ADGRE1: variants seen among roughly 807,000 people sequenced by gnomAD.
ADGRE1 encodes the protein adhesion G protein-coupled receptor E1, also known as EGF-like module receptor 1.
A neutral mutation model predicts 102.7 loss-of-function variants in ADGRE1; 82 were observed. The observed-to-expected ratio is 0.80, with a 90% CI of 0.67 to 0.96. The LOEUF is 0.96. ADGRE1 is among the 40% of genes least tolerant of loss of function. The pLI is 0.00. For synonymous variants in ADGRE1, 398 were observed against 399.6 expected (o/e 1.00, Z 0.05); for missense variants, 1,032 against 1,085.3 (o/e 0.95, Z 0.69).
chr19:6,908,883 C>A, intron 10 of ADGRE1, 111 bp downstream of exon 10: 2 of 977,690 alleles, frequency 2.0e-6, no homozygotes, highest in Non-Finnish European at 3.0e-6. Flanking sequence ...CCCATAATCC[C>A]AGCACTTTGG....
At chr19:6,903,711 C>T in intron 6 of ADGRE1, 99 bp from the exon 7 acceptor site, 1 of 1,502,866 alleles carries the variant, frequency 6.7e-7, no homozygotes, top group Non-Finnish European at 9.1e-7. Context: ...GCTGGGACAC[C>T]ATTTTCTAGT....
chr19:6,912,542 T>C (rs1483108615), intron 10 of ADGRE1, among the ~76,000 whole-genome samples: 1 of 152,222 alleles, frequency 6.6e-6, no homozygotes, highest in Non-Finnish European at 1.5e-5. Context: ...ATAAATACCA[T>C]AATATAAAAT....
chr19:6,934,419 C>CTTTTTTTTTT (rs71177132), intron 17 of ADGRE1, among the ~76,000 whole-genome samples: 1 of 95,472 alleles, frequency 1.0e-5, no homozygotes, highest in Non-Finnish European at 1.9e-5. Flanking sequence ...TCTTCTTCTT[C>CTTTTTTTTTT]TTTTTTTTTT....
chr19:6,916,391 G>T (rs1974385902), intron 12 of ADGRE1, 23 bp downstream of exon 12: 1 of 1,605,738 alleles, frequency 6.2e-7, no homozygotes, highest in Non-Finnish European at 8.5e-7. Context: ...TCCTGAGAAT[G>T]CAGGTTATGG....
intron 17 of ADGRE1, among the ~76,000 whole-genome samples, chr19:6,929,339 T>C (rs1975050824): frequency 6.6e-6 from 1 of 152,068 alleles, no homozygotes; most frequent in Non-Finnish European, 1.5e-5. Flanking sequence ...GGGGGCGGTG[T>C]CTGATTTACA....
At chr19:6,915,423 G>A (rs967685206) in intron 11 of ADGRE1, among the ~76,000 whole-genome samples, 34 of 152,154 alleles carry the variant, frequency 2.2e-4, no homozygotes, top group African/African-American at 7.2e-4. Context: ...TTTCATGAAG[G>A]GCCAGTGGGT....
intron 13 of ADGRE1, among the ~76,000 whole-genome samples, chr19:6,920,310 C>T (rs1974597047): frequency 6.6e-6 from 1 of 151,488 alleles, no homozygotes; most frequent in South Asian, 2.1e-4. Context: ...AGCTCCACCT[C>T]CCAGGTTCAC....
chr19:6,927,717 G>A (rs1221833224), intron 16 of ADGRE1, among the ~76,000 whole-genome samples: 2 of 151,876 alleles, frequency 1.3e-5, no homozygotes, highest in Non-Finnish European at 2.9e-5. Flanking sequence ...GCTGGAGTGC[G>A]GTGGCGTGAT....
intron 5 of ADGRE1, among the ~76,000 whole-genome samples, chr19:6,900,379 G>C (rs1973723631): frequency 6.6e-6 from 1 of 152,112 alleles, no homozygotes. Flanking sequence ...CAGCTACTCA[G>C]GAGGCTGAGG....
chr19:6,938,000 A>G (rs1166965052), intron 20 of ADGRE1, among the ~76,000 whole-genome samples: 1 of 151,240 alleles, frequency 6.6e-6, no homozygotes, highest in Non-Finnish European at 1.5e-5. Flanking sequence ...ATATACATAT[A>G]ATGTATAATA....
chr19:6,892,021 C>T (rs746690232), intron 2 of ADGRE1, among the ~76,000 whole-genome samples: 5 of 152,004 alleles, frequency 3.3e-5, no homozygotes, highest in African/African-American at 1.2e-4. Context: ...CCCACAAGAC[C>T]GGGTTGTTAC....
intron 20 of ADGRE1, among the ~76,000 whole-genome samples, chr19:6,938,333 A>G (rs368419): frequency 0.69 from 105,324 of 151,678 alleles, 36,839 homozygotes; most frequent in Non-Finnish European, 0.74. Context: ...GCGAAACTCC[A>G]TCTCAAAAAA....
intron 18 of ADGRE1, 68 bp downstream of exon 18, chr19:6,935,146 A>G (rs1975349842): frequency 6.8e-6 from 9 of 1,322,858 alleles, no homozygotes; most frequent in Non-Finnish European, 9.4e-6. Context: ...AAGTTCTTTG[A>G]GCACTTCTTG....
At chr19:6,917,825 A>T (rs776172248) in intron 12 of ADGRE1, among the ~76,000 whole-genome samples, 3 of 152,084 alleles carry the variant, frequency 2.0e-5, no homozygotes, top group Non-Finnish European at 4.4e-5. Flanking sequence ...AAGCCTTGGA[A>T]AGTTCTGTAT....
rs555952270 is a variant in ADGRE1 at position 6,908,662 on chromosome 19, C to G, written c.1039-27C>G. 1.2e-4 allele frequency: 149 copies of G among 1,209,222 alleles called. No individual in the cohort carries two copies. In the South Asian group the frequency reaches 1.7e-3, roughly 14 times the overall value. 74.9% of individuals were successfully genotyped at this position (1,209,222 alleles called of 1,614,324 possible). The stretch of plus-strand genomic sequence containing the variant: ...ATACATCGATTCATGCTCACAAATG[C>G]TCTTTTTTTTTTTTTCTGGGACGCA... On this transcript the variant is annotated intron_variant, in intron 9 of 20. Transcript: ENST00000312053.
chr19:6,903,229 C>T (rs1973834141), intron 6 of ADGRE1, among the ~76,000 whole-genome samples: 1 of 152,192 alleles, frequency 6.6e-6, no homozygotes, highest in Admixed American at 6.5e-5. Flanking sequence ...GGGGCAGTAA[C>T]TCCCCAATAT....
rs571908589 is a variant in ADGRE1, at chr19:6,930,020, G to T, written c.2289+1809G>T. Among the ~76,000 whole-genome samples the T allele has an allele frequency of 1.7e-3, 264 of 152,254 alleles. 1 individual carries two copies. The highest frequency in any genetic ancestry group is 3.0e-3 in the Non-Finnish European group (202 of 68,034). On this transcript the variant is annotated intron_variant, in intron 17 of 20. Coordinates refer to ENST00000312053, the MANE Select transcript of ADGRE1 (RefSeq NM_001974.5). The stretch of plus-strand genomic sequence containing the variant: ...GGCACAACTGCCAGCATTCACCCAT[G>T]CAAGCTTCTAGCTTGCCTTTCTATG...
intron 5 of ADGRE1, chr19:6,898,429 A>G (rs538960933): frequency 4.7e-5 from 76 of 1,600,846 alleles, no homozygotes; most frequent in East Asian, 6.7e-5. Context: ...AAATGACTGG[A>G]TCCCAGGAAA....
rs773219433 is a variant in ADGRE1, at chr19:6,906,484, A to G, written c.1001A>G (p.Gln334Arg). ...EDVIPDNKQI[Q>R]QCQEGTAVKP... The stretch of plus-strand genomic sequence containing the variant: ...GTGATACCCGATAATAAGCAGATCC[A>G]GCAATGCCAAGAGGGAACCGCAGTG... The change falls in exon 9 of 21, where the codon CAG (glutamine) becomes CGG (arginine). Residue 334 changes from glutamine (Q) to arginine (R), a missense_variant. Coordinates refer to ENST00000312053, the MANE Select transcript of ADGRE1 (RefSeq NM_001974.5). 6.2e-7 allele frequency: 1 copy of G among 1,613,990 alleles called. No individual in the cohort carries two copies. The highest frequency in any genetic ancestry group is 8.5e-7 in the Non-Finnish European group (1 of 1,179,886).
Sources: gnomAD v4.1 joint callset for allele counts (sites outside exome capture counted in the v4.1 genomes callset) on GRCh38, gnomAD v4.1.1 for gene constraint, MANE v1.5 for transcripts, NCBI Gene and HGNC (gene_info 2026-07-23, HGNC 2026-07-21) for gene names.